FMN1: variants seen among roughly 807,000 people sequenced by gnomAD.
The protein encoded by FMN1 is formin-1.
A neutral mutation model predicts 132.4 loss-of-function variants in FMN1; 110 were observed. That is an observed-to-expected ratio of 0.83 (90% CI 0.71 to 0.97). The LOEUF (loss-of-function observed/expected upper bound fraction) is 0.97, where lower values mean the gene tolerates loss of function less well. FMN1 is among the 50% of genes least tolerant of loss of function. FMN1 has a pLI of 0.00. For synonymous variants in FMN1, 722 were observed against 651.7 expected, an observed-to-expected ratio of 1.11 and a Z score of -1.64; for missense variants, 1,792 against 1,705.3, an observed-to-expected ratio of 1.05 and a Z score of -0.90.
chr15:33,131,525 CA>C (rs1197481824), intron 4 of FMN1, among the ~76,000 whole-genome samples: 13 of 152,068 alleles, frequency 8.5e-5, no homozygotes, highest in Non-Finnish European at 1.5e-5. Flanking sequence ...TGGCCCAGAC[CA>C]CTGCATATTC....
intron 4 of FMN1, among the ~76,000 whole-genome samples, chr15:33,132,428 G>A (rs1284401216): frequency 1.3e-5 from 2 of 152,158 alleles, no homozygotes; most frequent in African/African-American, 4.8e-5. Flanking sequence ...CTGCCTGTGT[G>A]CAACTGGCTC....
At chr15:33,025,925 T>C (rs1458882977) in intron 6 of FMN1, among the ~76,000 whole-genome samples, 1 of 152,180 alleles carries the variant, frequency 6.6e-6, no homozygotes, top group Non-Finnish European at 1.5e-5. Flanking sequence ...ATTACCCACA[T>C]TTTCCTACAT....
intron 4 of FMN1, chr15:33,105,969 G>A (rs549262604): frequency 6.6e-6 from 1 of 152,188 alleles, no homozygotes; most frequent in South Asian, 2.1e-4. Flanking sequence ...TGTGTAGCAT[G>A]AAGGGGTGAA....
chr15:32,964,397 C>T, intron 8 of FMN1, 140 bp from the exon 9 acceptor site: 1 of 622,828 alleles, frequency 1.6e-6, no homozygotes, highest in Non-Finnish European at 2.7e-6. Context: ...TGGAGAAAAG[C>T]TTTTTATGTT....
At chr15:33,157,993 CAA>C (rs71756813) in intron 3 of FMN1, among the ~76,000 whole-genome samples, 8 of 123,514 alleles carry the variant, frequency 6.5e-5, no homozygotes, top group East Asian at 2.7e-4. Context: ...CCCTGTCTTT[CAA>C]AAAAAAAAAA....
intron 17 of FMN1, among the ~76,000 whole-genome samples, chr15:32,847,642 C>T (rs1050275386): frequency 2.0e-5 from 3 of 152,200 alleles, no homozygotes; most frequent in Non-Finnish European, 2.9e-5. Flanking sequence ...ATCACAAGGT[C>T]AGGAGATCGA....
intron 6 of FMN1, among the ~76,000 whole-genome samples, chr15:33,034,647 T>C (rs1225104720): frequency 2.9e-5 from 4 of 137,276 alleles, no homozygotes; most frequent in African/African-American, 8.3e-5. Context: ...GAAATCCTGA[T>C]GGTTCTGCCT....
At chr15:33,184,957 T>C (rs2140349671) in intron 2 of FMN1, among the ~76,000 whole-genome samples, 1 of 152,320 alleles carries the variant, frequency 6.6e-6, no homozygotes, top group Non-Finnish European at 1.5e-5. Flanking sequence ...TATGCTACGT[T>C]ATATGTGTGC....
At chr15:32,920,983 T>A (rs2060806568) in intron 10 of FMN1, among the ~76,000 whole-genome samples, 2 of 152,280 alleles carry the variant, frequency 1.3e-5, no homozygotes, top group Middle Eastern at 3.4e-3. Context: ...TTCATGATCA[T>A]CACCTGGGTG....
intron 17 of FMN1, 49 bp from the exon 18 acceptor site, chr15:32,804,381 T>C (rs1163419765): frequency 1.8e-6 from 2 of 1,088,144 alleles, no homozygotes; most frequent in South Asian, 2.7e-5. Context: ...GTTGTCTCCT[T>C]TGCGTAATCT....
At chr15:33,009,011 T>C (rs2034565555) in intron 6 of FMN1, among the ~76,000 whole-genome samples, 1 of 152,206 alleles carries the variant, frequency 6.6e-6, no homozygotes, top group South Asian at 2.1e-4. Flanking sequence ...AAAGTTTGTG[T>C]TTTAATTTAA....
intron 11 of FMN1, among the ~76,000 whole-genome samples, chr15:32,909,628 G>C (rs1286515987): frequency 6.6e-6 from 1 of 152,128 alleles, no homozygotes; most frequent in Non-Finnish European, 1.5e-5. Flanking sequence ...TAGAGCCCTA[G>C]ACAGCTTCCT....
intron 4 of FMN1, among the ~76,000 whole-genome samples, chr15:33,143,864 A>G (rs7162655): frequency 0.21 from 31,483 of 152,276 alleles, 3,823 homozygotes; most frequent in Non-Finnish European, 0.29. Flanking sequence ...CAAAAGCTTG[A>G]TAAGAGCTAA....
chr15:32,936,169 A>T (rs2061265300), intron 9 of FMN1, among the ~76,000 whole-genome samples: 1 of 152,100 alleles, frequency 6.6e-6, no homozygotes, highest in African/African-American at 2.4e-5. Context: ...CATCTTTATG[A>T]CATTTATTTT....
chr15:32,834,084 G>A (rs1180067874), intron 17 of FMN1, among the ~76,000 whole-genome samples: 1 of 152,066 alleles, frequency 6.6e-6, no homozygotes, highest in Non-Finnish European at 1.5e-5. Flanking sequence ...CACCAACTCA[G>A]GTTAGTTGAG....
chr15:33,089,104 T>A, intron 4 of FMN1, 130 bp from the exon 5 acceptor site: 1 of 731,362 alleles, frequency 1.4e-6, no homozygotes. Context: ...GTTATATTTT[T>A]AAGAGACTGC....
intron 7 of FMN1, among the ~76,000 whole-genome samples, chr15:33,000,187 C>T (rs1036919982): frequency 7.9e-5 from 12 of 152,146 alleles, no homozygotes; most frequent in Admixed American, 2.0e-4. Flanking sequence ...TGATGGCTCA[C>T]GCCTGTAATC....
At chr15:32,999,275 A>G (rs1348172447) in intron 7 of FMN1, among the ~76,000 whole-genome samples, 1 of 152,244 alleles carries the variant, frequency 6.6e-6, no homozygotes, top group Admixed American at 6.5e-5. Context: ...GTTGATAATG[A>G]AGAATACAAA....
intron 6 of FMN1, among the ~76,000 whole-genome samples, chr15:33,060,393 G>A (rs1308719923): frequency 6.6e-6 from 1 of 152,276 alleles, no homozygotes; most frequent in East Asian, 1.9e-4. Context: ...ATCAGGAAGG[G>A]TGGCAAATAG....
Sources: allele counts gnomAD v4.1 joint callset (sites outside exome capture counted in the v4.1 genomes callset), GRCh38; gene constraint gnomAD v4.1.1; transcripts MANE v1.5; gene names NCBI Gene and HGNC (gene_info 2026-07-23, HGNC 2026-07-21).